Variants in SLC5A4 observed in about 807,000 individuals in gnomAD.
SLC5A4 encodes probable glucose sensor protein SLC5A4.
SLC5A4 carries 55 observed loss-of-function variants against 70.3 expected under a neutral mutation model. The ratio of observed to expected loss-of-function variants is 0.78; its 90% confidence interval spans 0.63 to 0.98. SLC5A4 has a LOEUF of 0.98. Ranked by LOEUF, SLC5A4 falls within the 50% of genes least tolerant of loss-of-function variation. The probability of loss-of-function intolerance (pLI) is 0.00; values close to 1 mark genes in which losing one functional copy is unlikely to be tolerated. For synonymous variants in SLC5A4, 268 were observed against 305.7 expected (o/e 0.88, Z 1.29); for missense variants, 735 against 839.2 (o/e 0.88, Z 1.53).
chr22:32,312,628 A>AC, the SLC5A4 span, among the ~76,000 whole-genome samples: 297 of 151,848 alleles, frequency 2.0e-3, no homozygotes, highest in South Asian at 2.9e-3. Flanking sequence ...CCTCCCCTGC[A>AC]CCCCCAGCCC....
At chr22:32,245,395 TC>T (rs990108055) in intron 5 of SLC5A4, among the ~76,000 whole-genome samples, 1 of 152,142 alleles carries the variant, frequency 6.6e-6, no homozygotes, top group African/African-American at 2.4e-5. Context: ...CAACATTCTG[TC>T]CCTCCCCATC....
chr22:32,233,545 A>G (rs2123894085), intron 8 of SLC5A4, among the ~76,000 whole-genome samples: 1 of 152,350 alleles, frequency 6.6e-6, no homozygotes, highest in South Asian at 2.1e-4. Flanking sequence ...CAAAGATGAT[A>G]GCGAAGGGGT....
chr22:32,242,513 G>T (rs1337626849), intron 5 of SLC5A4, among the ~76,000 whole-genome samples: 1 of 152,126 alleles, frequency 6.6e-6, no homozygotes, highest in South Asian at 2.1e-4. Flanking sequence ...TTCGAGACCA[G>T]CCTGACAAGC....
the SLC5A4 span, among the ~76,000 whole-genome samples, chr22:32,320,302 C>T: frequency 6.6e-6 from 1 of 152,152 alleles, no homozygotes; most frequent in East Asian, 1.9e-4. Flanking sequence ...CTTTGGAAGG[C>T]AATTTGACAC....
intron 7 of SLC5A4, 89 bp downstream of exon 7, chr22:32,237,155 A>C (rs1926107464): frequency 2.4e-6 from 2 of 850,988 alleles, no homozygotes; most frequent in Admixed American, 4.0e-5. Flanking sequence ...TGGAACTGGA[A>C]GGCATCCCAA....
intron 4 of SLC5A4, among the ~76,000 whole-genome samples, chr22:32,248,306 C>T (rs748470981): frequency 1.3e-5 from 2 of 152,132 alleles, no homozygotes; most frequent in Non-Finnish European, 2.9e-5. Context: ...ACTGATCCTC[C>T]CAGTGTTACA....
At chr22:32,291,596 G>C in the SLC5A4 span, among the ~76,000 whole-genome samples, 73,581 of 152,022 alleles carry the variant, frequency 0.48, 17,942 homozygotes, top group Admixed American at 0.52. Flanking sequence ...CATGAACATG[G>C]TACGTCTCTT....
Position 32,218,471 on chromosome 22 carries a change from C to T in SLC5A4, c.*43G>A, listed in dbSNP as rs1207746230. On this transcript the variant is annotated 3_prime_UTR_variant, in exon 15 of 15. Transcript: ENST00000266086. Reference sequence around the variant, plus strand: ...AAATCACTAAAATTATCCTTTGGTTCATTATTAAGAATTATTCATTATTCT... The same window carrying T: ...AAATCACTAAAATTATCCTTTGGTTTATTATTAAGAATTATTCATTATTCT... 4.8e-6 allele frequency: 3 copies of T among 619,278 alleles called. No individual in the cohort carries two copies. Among genetic ancestry groups the T allele is most frequent in the East Asian group, 1.4e-4 (2 of 14,154 alleles). 38.4% of individuals were successfully genotyped at this position (619,278 alleles called of 1,614,324 possible).
the SLC5A4 span, among the ~76,000 whole-genome samples, chr22:32,324,269 A>ACGTG: frequency 6.7e-6 from 1 of 150,014 alleles, no homozygotes; most frequent in Admixed American, 6.6e-5. Flanking sequence ...ACATATATGT[A>ACGTG]TATATATATA....
chr22:32,219,823 C>T (rs1043141282), intron 14 of SLC5A4, among the ~76,000 whole-genome samples: 10 of 151,814 alleles, frequency 6.6e-5, no homozygotes, highest in Non-Finnish European at 1.5e-4. Flanking sequence ...ACAAAATATA[C>T]TAGAGATTGA....
chr22:32,235,997 C>G (rs1226554550), intron 7 of SLC5A4, among the ~76,000 whole-genome samples: 2 of 152,148 alleles, frequency 1.3e-5, no homozygotes, highest in African/African-American at 2.4e-5. Context: ...ATAGGAGACC[C>G]TAAGAGATGA....
the SLC5A4 span, chr22:32,343,075 A>T: frequency 6.6e-6 from 1 of 151,880 alleles, no homozygotes; most frequent in Non-Finnish European, 1.5e-5. Context: ...CGGCCTTCTA[A>T]TACTCTCTCA....
At chr22:32,226,436 G>A (rs973222768) in intron 11 of SLC5A4, among the ~76,000 whole-genome samples, 2 of 152,168 alleles carry the variant, frequency 1.3e-5, no homozygotes, top group Non-Finnish European at 1.5e-5. Context: ...ATGAACCGAC[G>A]CAATTTACTG....
the SLC5A4 span, among the ~76,000 whole-genome samples, chr22:32,277,409 C>T: frequency 6.6e-6 from 1 of 152,008 alleles, no homozygotes; most frequent in Admixed American, 6.6e-5. Flanking sequence ...TGTGCATAAT[C>T]GAATTCATAG....
the SLC5A4 span, among the ~76,000 whole-genome samples, chr22:32,309,631 C>G: frequency 8.6e-5 from 13 of 152,028 alleles, no homozygotes; most frequent in African/African-American, 2.2e-4. Context: ...TTCAGGAGCC[C>G]TTGACACCAC....
At chr22:32,282,105 A>G in the SLC5A4 span, among the ~76,000 whole-genome samples, 54 of 152,232 alleles carry the variant, frequency 3.5e-4, no homozygotes, top group African/African-American at 1.3e-3. Flanking sequence ...AGCCTCCCAA[A>G]GTGCTGGGAT....
At chr22:32,354,145 C>T in the SLC5A4 span, among the ~76,000 whole-genome samples, 1 of 150,952 alleles carries the variant, frequency 6.6e-6, no homozygotes, top group Admixed American at 6.6e-5. Flanking sequence ...CGCCCCCTCC[C>T]AAAACGGGCA....
chr22:32,221,900 A>G (rs1449896754), intron 13 of SLC5A4, among the ~76,000 whole-genome samples: 5 of 152,086 alleles, frequency 3.3e-5, no homozygotes, highest in Non-Finnish European at 7.4e-5. Context: ...ACTAAAGGTG[A>G]CTGCCACCAT....
chr22:32,292,246 T>TGC, the SLC5A4 span, among the ~76,000 whole-genome samples: 3 of 115,830 alleles, frequency 2.6e-5, no homozygotes, highest in Non-Finnish European at 5.1e-5. Flanking sequence ...ATATATAATA[T>TGC]ATACTAGATA....
Sources: allele counts gnomAD v4.1 joint callset (sites outside exome capture counted in the v4.1 genomes callset), GRCh38; gene constraint gnomAD v4.1.1; transcripts MANE v1.5; gene names NCBI Gene and HGNC (gene_info 2026-07-23, HGNC 2026-07-21).